The following UTP20 variants were observed in gnomAD, a reference collection of about 807,000 sequenced individuals.
The protein encoded by UTP20 is small subunit processome component 20 homolog.
Under a neutral mutation model 329.5 loss-of-function variants are expected in UTP20, and 164 were observed. The ratio of observed to expected loss-of-function variants is 0.50; its 90% CI spans 0.44 to 0.57. The LOEUF (loss-of-function observed/expected upper bound fraction) is 0.57. UTP20 is among the 20% of genes least tolerant of loss of function. The pLI, the probability that UTP20 is intolerant of heterozygous loss-of-function variation, is 0.00. For missense variants in UTP20, 3,055 were observed against 3,284.2 expected (o/e 0.93, Z 1.71); for synonymous variants, 1,151 against 1,159.3 (o/e 0.99, Z 0.14).
intron 37 of UTP20, 130 bp from the exon 38 acceptor site, chr12:101,346,321 A>T: frequency 9.0e-7 from 1 of 1,108,830 alleles, no homozygotes. Flanking sequence ...GAGTGCTAGG[A>T]TTACAGGCAT....
intron 38 of UTP20, 101 bp downstream of exon 38, chr12:101,346,689 C>T (rs528186125): frequency 8.3e-7 from 1 of 1,206,262 alleles, no homozygotes; most frequent in African/African-American, 1.6e-5. Context: ...GATGTCATCA[C>T]CATAATTAGA....
intron 29 of UTP20, among the ~76,000 whole-genome samples, chr12:101,336,151 A>G (rs1360714335): frequency 2.6e-5 from 4 of 152,146 alleles, no homozygotes; most frequent in Non-Finnish European, 5.9e-5. Context: ...TTTCCCTTTT[A>G]TACTTAACAC....
At chr12:101,374,277 G>A (rs989480841) in intron 54 of UTP20, among the ~76,000 whole-genome samples, 10 of 151,988 alleles carry the variant, frequency 6.6e-5, no homozygotes, top group African/African-American at 1.7e-4. Flanking sequence ...AAAATCACCC[G>A]TATTCCTACT....
Position 101,373,489 on chromosome 12 carries a change from T to TA in UTP20, c.6948+21dup. 1 of 1,614,158 alleles carries TA rather than the reference T, an allele frequency of 6.2e-7. No homozygotes were observed. The highest frequency in any genetic ancestry group is 1.6e-4 in the Middle Eastern group (1 of 6,062). ...CCCTCAGGTACTGTGACCCCAGAGA[T>TA]AAGCCCCGTGACTCCTGGAAGTCCT... On this transcript the variant is annotated intron_variant, in intron 53 of 61. Coordinates refer to ENST00000261637, the MANE Select transcript of UTP20 (RefSeq NM_014503.3).
intron 12 of UTP20, among the ~76,000 whole-genome samples, chr12:101,298,146 T>C (rs982600669): frequency 2.6e-4 from 39 of 152,296 alleles, no homozygotes; most frequent in African/African-American, 9.4e-4. Flanking sequence ...TTACTGTCGT[T>C]TGACAACTAC....
chr12:101,354,898 A>C lies in UTP20; in HGVS notation c.5174A>C (p.Glu1725Ala), dbSNP rs750486862. ...GAATTAGAGCGTGTGGATGAGGAAGAGAAGGAATATACATGCAAGAGTTTG... is the reference window on the plus strand; with the variant it reads ...GAATTAGAGCGTGTGGATGAGGAAGCGAAGGAATATACATGCAAGAGTTTG... ...AMELERVDEE[E>A]KEYTCKSLSD... The change falls in exon 41 of 62, where the codon GAG becomes GCG. Residue 1725 changes from glutamate (E) to alanine (A), a missense_variant. Coordinates refer to ENST00000261637, the MANE Select transcript of UTP20 (RefSeq NM_014503.3). The C allele has an allele frequency of 1.2e-6, 2 of 1,614,194 alleles. No homozygotes were observed. The highest frequency in any genetic ancestry group is 1.7e-6 in the Non-Finnish European group (2 of 1,180,026).
chr12:101,302,459 G>T lies in UTP20; in HGVS notation c.1687G>T (p.Val563Phe), dbSNP rs1251724305. ...KGSFGKGNLF[V>F]LCQAVNTLLS... ...TTTTCTGCCCTTAGGAAACTTATTTGTTCTTTGTCAAGCTGTAAATACTCT... is the reference window on the plus strand; with the variant it reads ...TTTTCTGCCCTTAGGAAACTTATTTTTTCTTTGTCAAGCTGTAAATACTCT... Residue 563 changes from valine to phenylalanine, a missense_variant, in exon 15 of 62, where the codon GTT becomes TTT. Val to Phe is a conservative substitution (Grantham distance 50, BLOSUM62 -1). Around this residue, in one of 3 missense-constraint regions of UTP20, gnomAD observed 2,445 missense variants for 2,575.5 expected, o/e 0.95. Transcript: ENST00000261637. 1.2e-6 allele frequency: 2 copies of T among 1,603,422 alleles called. No individual in the cohort carries two copies. The highest frequency in any genetic ancestry group is 1.7e-5 in the Admixed American group (1 of 57,834).
chr12:101,306,268 C>G (rs888302307), intron 16 of UTP20, among the ~76,000 whole-genome samples: 2 of 151,896 alleles, frequency 1.3e-5, no homozygotes, highest in Admixed American at 6.5e-5. Context: ...TTCTGGGTCC[C>G]TACCCTCAAA....
At position 101,362,071 on chromosome 12, in the gene UTP20, C is replaced by T. The variant is rs376550760; in HGVS notation, c.5790+11C>T. ...GATATAATGATTGAGGTAAGACTTACAGAAACGAATTCTAATTTTTTTTTA... is the reference window on the plus strand; with the variant it reads ...GATATAATGATTGAGGTAAGACTTATAGAAACGAATTCTAATTTTTTTTTA... On this transcript the variant is annotated intron_variant, in intron 44 of 61. Coordinates refer to ENST00000261637, the MANE Select transcript of UTP20 (RefSeq NM_014503.3). The T allele has an allele frequency of 1.6e-4, 256 of 1,600,290 alleles. No individual in the cohort carries two copies. The highest frequency in any genetic ancestry group is 2.1e-4 in the Non-Finnish European group (247 of 1,172,112).
rs1053569626 is a variant in UTP20, at chr12:101,309,630, G to A, written c.2155-133G>A. On this transcript the variant is annotated intron_variant, in intron 18 of 61. Coordinates refer to ENST00000261637, the MANE Select transcript of UTP20 (RefSeq NM_014503.3). ...TACATTGAATTTTGGATTGGTGCCT[G>A]CAACTTTTTTTCTTATCGCACAGGC... The A allele has an allele frequency of 5.5e-6, 4 of 732,336 alleles. No homozygotes were observed. The African/African-American group carries it at 7.2e-5, about 13-fold the overall frequency. 45.4% of individuals were successfully genotyped at this position (732,336 alleles called of 1,614,324 possible).
intron 46 of UTP20, 46 bp downstream of exon 46, chr12:101,365,671 A>G (rs972796905): frequency 6.9e-7 from 1 of 1,458,928 alleles, no homozygotes; most frequent in Non-Finnish European, 9.1e-7. Flanking sequence ...TCTGCGTCTG[A>G]TAAGCCATTC....
intron 14 of UTP20, among the ~76,000 whole-genome samples, 192 bp downstream of exon 14, chr12:101,300,253 G>T (rs1451967271): frequency 2.0e-5 from 3 of 152,158 alleles, no homozygotes; most frequent in Admixed American, 1.3e-4. Context: ...ACTGGGTCAC[G>T]GTGGCTTGAG....
chr12:101,354,725 T>C, intron 40 of UTP20, 107 bp from the exon 41 acceptor site: 1 of 1,220,984 alleles, frequency 8.2e-7, no homozygotes, highest in Non-Finnish European at 1.1e-6. Flanking sequence ...AGTTGCTGAT[T>C]AGATATTTTT....
At chr12:101,349,135 A>T (rs760731244) in intron 38 of UTP20, among the ~76,000 whole-genome samples, 2 of 150,776 alleles carry the variant, frequency 1.3e-5, no homozygotes, top group Non-Finnish European at 3.0e-5. Context: ...TGTTCCCCCA[A>T]ATGTAATGTG....
At chr12:101,365,386 G>T in intron 45 of UTP20, 73 bp from the exon 46 acceptor site, 1 of 1,155,272 alleles carries the variant, frequency 8.7e-7, no homozygotes, top group Non-Finnish European at 1.2e-6. Flanking sequence ...ATATATAAAA[G>T]AAAACTGCCA....
chr12:101,370,306 C>T lies in UTP20; in HGVS notation c.6556-126C>T. ...CCAAAATTTTTTCCAGAGTAATTTG[C>T]CAAGGCTAGAGGGCTGGCACCCTGT... On this transcript the variant is annotated intron_variant, in intron 49 of 61. Transcript: ENST00000261637. The T allele has an allele frequency of 1.7e-6, 2 of 1,188,356 alleles. 1 individual carries two copies. The highest frequency in any genetic ancestry group is 3.6e-5 in the South Asian group (2 of 55,524). 73.6% of individuals were successfully genotyped at this position (1,188,356 alleles called of 1,614,324 possible).
At chr12:101,309,874 C>G in intron 19 of UTP20, 35 bp downstream of exon 19, 1 of 1,570,224 alleles carries the variant, frequency 6.4e-7, no homozygotes. Context: ...AACTATTATA[C>G]TTTAACTACT....
At chr12:101,368,127 T>C (rs1231679885) in intron 48 of UTP20, 151 bp downstream of exon 48, 3 of 247,164 alleles carry the variant, frequency 1.2e-5, no homozygotes, top group Non-Finnish European at 1.5e-5. Flanking sequence ...GGTTTTTGGG[T>C]TTTTTTTTTT....
rs368175517 is a variant in UTP20 at position 101,345,584 on chromosome 12, T to G, written c.4636T>G (p.Ser1546Ala). Residue 1546 changes from serine (S) to alanine (A), a missense_variant, in exon 37 of 62, where the codon TCC becomes GCC. Transcript: ENST00000261637. ...SIQQDYTTIL[S>A]CLIQTFPNQL... ...TCAGCAGGATTATACCACAATACTT[T>G]CCTGTTTAATTCAAACCTTTCCAAA... 6.2e-7 allele frequency: 1 copy of G among 1,604,146 alleles called. No individual in the cohort carries two copies. Among genetic ancestry groups the G allele is most frequent in the East Asian group, 2.2e-5 (1 of 44,742 alleles).
Sources: allele counts gnomAD v4.1 joint callset (sites outside exome capture counted in the v4.1 genomes callset), GRCh38; gene constraint gnomAD v4.1.1; regional missense constraint gnomAD v4.1.1; transcripts MANE v1.5; gene names NCBI Gene and HGNC (gene_info 2026-07-23, HGNC 2026-07-21).